Variants in GNAT2 observed in about 807,000 individuals in gnomAD.
GNAT2 encodes G protein subunit alpha transducin 2.
Under a neutral mutation model 40.9 loss-of-function variants are expected in GNAT2, and 32 were observed. That is an observed-to-expected ratio of 0.78 (90% CI 0.59 to 1.05). The LOEUF is 1.05. Among genes scored for constraint, GNAT2 ranks in the 50% least tolerant of loss-of-function variants. GNAT2 has a pLI of 0.00. For synonymous variants in GNAT2, 141 were observed against 157.2 expected (o/e 0.90, Z 0.77); for missense variants, 355 against 431.5 (o/e 0.82, Z 1.57).
rs1356679446 is a variant in GNAT2 at position 109,603,181 on chromosome 1, A to G, written c.*173T>C. On this transcript the variant is annotated 3_prime_UTR_variant, in exon 9 of 9. Transcript: ENST00000679935. ...ACTGGCCTGTGCTCTTTAAGCTGCA[A>G]TAGCTATCCCACTTTGAAAAGAACG... 7.8e-6 allele frequency: 5 copies of G among 638,152 alleles called. No individual in the cohort carries two copies. Among genetic ancestry groups the G allele is most frequent in the Non-Finnish European group, 1.4e-5 (5 of 356,110 alleles). The allele number at this position is 638,152 out of a possible 1,614,324, so 39.5% of individuals were successfully genotyped here.
rs142976178 is a variant in GNAT2, at chr1:109,608,750, A to G, written c.342T>C (p.Ile114=). The change falls in exon 5 of 9, where the codon ATT becomes ATC. Residue 114 remains isoleucine, a synonymous_variant. Coordinates refer to ENST00000679935, the MANE Select transcript of GNAT2 (RefSeq NM_001377295.2). ...GCTCAGGAGGCATGGTTCCCTCCTCAATGGAGTCAGCCAGGTTGTTGAGCT... is the reference window on the plus strand; with the variant it reads ...GCTCAGGAGGCATGGTTCCCTCCTCGATGGAGTCAGCCAGGTTGTTGAGCT... ...GRQLNNLADS[I]EEGTMPPELV... The G allele has an allele frequency of 3.2e-5, 51 of 1,613,886 alleles. No homozygotes were observed. The African/African-American group carries it at 6.7e-4, about 21-fold the overall frequency.
rs1056844070 is a variant in GNAT2 at position 109,603,211 on chromosome 1, A to C, written c.*143T>G. ...TATCCCACTTTGAAAAGAACGTATG[A>C]AATACAGTTGCAGTCATGTATACTC... On this transcript the variant is annotated 3_prime_UTR_variant, in exon 9 of 9. Transcript: ENST00000679935. 2.3e-5 allele frequency: 16 copies of C among 683,784 alleles called. No homozygotes were observed. Among genetic ancestry groups the C allele is most frequent in the Non-Finnish European group, 4.0e-5 (15 of 375,246 alleles). 42.4% of individuals were successfully genotyped at this position (683,784 alleles called of 1,614,324 possible).
rs1484643867 is a variant in GNAT2, at chr1:109,603,228, T to C, written c.*126A>G. On this transcript the variant is annotated 3_prime_UTR_variant, in exon 9 of 9. Transcript: ENST00000679935. ...AACGTATGAAATACAGTTGCAGTCA[T>C]GTATACTCCATCTCCAAAGAATGGA... 1 of 708,364 alleles carries C rather than the reference T, an allele frequency of 1.4e-6. No individual in the cohort carries two copies. The highest frequency in any genetic ancestry group is 2.6e-6 in the Non-Finnish European group (1 of 386,716). 43.9% of individuals were successfully genotyped at this position (708,364 alleles called of 1,614,324 possible).
In GNAT2 at chr1:109,612,809, T is replaced by C. The variant is rs772291136; in HGVS notation, c.62A>G (p.Lys21Arg). The C allele has an allele frequency of 9.3e-6, 15 of 1,613,586 alleles. No individual in the cohort carries two copies. The Admixed American group carries it at 2.2e-4, about 23-fold the overall frequency. The change falls in exon 2 of 9, where the codon AAG (lysine) becomes AGG (arginine). Residue 21 changes from lysine (K) to arginine (R), a missense_variant. By Grantham distance (26) the Lys-to-Arg change is conservative. Transcript: ENST00000679935. The stretch of plus-strand genomic sequence containing the variant: ...CTTATCAGCATCCTCCTGCAGCTTC[T>C]TTTCTAGCTCCTTGGACCTCTTGGC... Reference protein sequence around the residue: ...ELAKRSKELEKKLQEDADKEA... With the variant: ...ELAKRSKELERKLQEDADKEA...
intron 6 of GNAT2, 64 bp from the exon 7 acceptor site, chr1:109,606,163 T>C: frequency 6.3e-7 from 1 of 1,597,282 alleles, no homozygotes; most frequent in Non-Finnish European, 8.6e-7. Flanking sequence ...CCTTTGATGG[T>C]CACCCCGTGA....
intron 3 of GNAT2, 36 bp downstream of exon 3, chr1:109,610,429 C>T: frequency 6.2e-7 from 1 of 1,600,232 alleles, no homozygotes; most frequent in Non-Finnish European, 8.6e-7. Context: ...GACTTCTTCA[C>T]CCTATCTTGT....
intron 5 of GNAT2, chr1:109,606,680 A>T: frequency 2.1e-6 from 1 of 468,178 alleles, no homozygotes; most frequent in Non-Finnish European, 3.9e-6. Context: ...ATCAAGTTAG[A>T]TAAGTTTTCC....
chr1:109,609,868 G>C, intron 4 of GNAT2, 172 bp downstream of exon 4: 1 of 712,964 alleles, frequency 1.4e-6, no homozygotes, highest in East Asian at 2.5e-5. Context: ...ATGGGTAAAG[G>C]GCCTTGAGAT....
intron 7 of GNAT2, chr1:109,604,495 T>C (rs1649534232): frequency 3.9e-6 from 1 of 258,436 alleles, no homozygotes; most frequent in Admixed American, 4.9e-5. Context: ...GTGCTGATAA[T>C]GGGTTGAAAC....
Position 109,603,138 on chromosome 1 carries a change from C to T in GNAT2, c.*216G>A, listed in dbSNP as rs972999404. On this transcript the variant is annotated 3_prime_UTR_variant, in exon 9 of 9. Coordinates refer to ENST00000679935, the MANE Select transcript of GNAT2 (RefSeq NM_001377295.2). The stretch of plus-strand genomic sequence containing the variant: ...TAAGTTGGAAAACCAGTACTGGAAC[C>T]TGGGGGGTCTTCTAACTACTGGCCT... 12 of 188,484 alleles carry T rather than the reference C, an allele frequency of 6.4e-5. No homozygotes were observed. In the Admixed American group the frequency reaches 1.5e-3, roughly 24 times the overall value. The allele number at this position is 188,484 out of a possible 1,614,324, so 11.7% of individuals were successfully genotyped here. A position where few individuals can be genotyped will look rare whatever the true frequency, so the allele number is the denominator to read the frequency against.
chr1:109,603,324 A>G lies in GNAT2; in HGVS notation c.*30T>C. ...AATTACCCAGATTCCAAGCCTGTTT[A>G]TAGAACTTATACCTGAGGAATGGTG... On this transcript the variant is annotated 3_prime_UTR_variant, in exon 9 of 9. Transcript: ENST00000679935. The G allele has an allele frequency of 1.6e-6, 2 of 1,281,886 alleles. No individual in the cohort carries two copies. The highest frequency in any genetic ancestry group is 2.4e-5 in the South Asian group (2 of 84,262). 79.4% of individuals were successfully genotyped at this position (1,281,886 alleles called of 1,614,324 possible).
At chr1:109,615,169 A>G (rs937838040) in intron 1 of GNAT2, 9 of 152,234 alleles carry the variant, frequency 5.9e-5, no homozygotes, top group African/African-American at 2.2e-4. Context: ...TATTGTCCCC[A>G]ATTTACAGAC....
At chr1:109,612,340 G>T in intron 2 of GNAT2, 1 of 298,376 alleles carries the variant, frequency 3.4e-6, no homozygotes. Context: ...CTGTATGGTG[G>T]GACTTGTGAG....
intron 3 of GNAT2, 71 bp from the exon 4 acceptor site, chr1:109,610,252 G>A (rs1057040861): frequency 2.0e-6 from 3 of 1,504,054 alleles, no homozygotes; most frequent in East Asian, 2.3e-5. Context: ...GAATTTGGGG[G>A]TATTTAAAGG....
At chr1:109,603,926 A>G (rs1649512050) in intron 8 of GNAT2, 25 bp downstream of exon 8, 2 of 1,533,716 alleles carry the variant, frequency 1.3e-6, no homozygotes, top group Non-Finnish European at 9.0e-7. Context: ...AGGCATTATT[A>G]TTATTTCCAG....
At chr1:109,606,508 C>T in intron 5 of GNAT2, 72 bp from the exon 6 acceptor site, 1 of 1,243,048 alleles carries the variant, frequency 8.0e-7, no homozygotes, top group Non-Finnish European at 1.2e-6. Context: ...AGGTATCTTA[C>T]CCAAAGTCAC....
Position 109,603,107 on chromosome 1 carries a change from T to C in GNAT2, c.*247A>G. 1 of 551,940 alleles carries C rather than the reference T, an allele frequency of 1.8e-6. No individual in the cohort carries two copies. The highest frequency in any genetic ancestry group is 3.2e-6 in the Non-Finnish European group (1 of 309,210). 34.2% of individuals were successfully genotyped at this position (551,940 alleles called of 1,614,324 possible). A position where few individuals can be genotyped will look rare whatever the true frequency, so the allele number is the denominator to read the frequency against. On this transcript the variant is annotated 3_prime_UTR_variant, in exon 9 of 9. Transcript: ENST00000679935. Reference sequence around the variant, plus strand: ...ACTCAGAAATAAAGTATTCACAGTTTTGTATTAAGTTGGAAAACCAGTACT... The same window carrying C: ...ACTCAGAAATAAAGTATTCACAGTTCTGTATTAAGTTGGAAAACCAGTACT...
chr1:109,612,958 GGATT>G (rs1247840855), intron 1 of GNAT2, 35 bp from the exon 2 acceptor site: 1 of 927,252 alleles, frequency 1.1e-6, no homozygotes, highest in Non-Finnish European at 1.8e-6. Context: ...AAAAAAGTTG[GGATT>G]GAGTATCCCA....
chr1:109,606,402 C>T lies in GNAT2; in HGVS notation c.496G>A (p.Glu166Lys). The T allele has an allele frequency of 6.2e-7, 1 of 1,612,500 alleles. No homozygotes were observed. The highest frequency in any genetic ancestry group is 8.5e-7 in the Non-Finnish European group (1 of 1,178,530). ...LNQLERITDP[E>K]YLPSEQDVLR... The stretch of plus-strand genomic sequence containing the variant: ...ACATCTTGCTCACTAGGGAGGTACT[C>T]AGGGTCTGTAATTCGTTCTAATTGG... Residue 166 changes from glutamate (E) to lysine (K), a missense_variant, in exon 6 of 9, where the codon GAG becomes AAG. Physicochemically the swap from Glu to Lys is moderately conservative, Grantham distance 56. Transcript: ENST00000679935.
Sources: allele counts gnomAD v4.1 joint callset, GRCh38; gene constraint gnomAD v4.1.1; transcripts MANE v1.5; gene names NCBI Gene and HGNC (gene_info 2026-07-23, HGNC 2026-07-21).